Variants in LYPD2 observed in about 807,000 individuals in gnomAD.
LYPD2 encodes the protein ly6/PLAUR domain-containing protein 2.
A neutral mutation model predicts 7.1 loss-of-function variants in LYPD2; 5 were observed. The observed-to-expected ratio is 0.70, with a 90% CI of 0.37 to 1.48. LYPD2 has a LOEUF of 1.48. LYPD2 is among the 40% of genes most tolerant of loss of function. LYPD2 has a pLI of 0.03. For missense variants in LYPD2, 177 were observed against 171.0 expected (o/e 1.04, Z -0.20); for synonymous variants, 78 against 82.0 (o/e 0.95, Z 0.26).
In LYPD2 at chr8:142,750,702, AG is replaced by A. The variant is rs587733934; in HGVS notation, c.179-221del. On this transcript the variant is annotated intron_variant, in intron 2 of 2. Transcript: ENST00000359228. ...GCCTGATGGGGCAGTTCCCGCCCCG[AG>A]GTGACTGTTGAAACCAAAGCCTGTA... Among the ~76,000 whole-genome samples, 13 of 152,356 alleles carry A rather than the reference AG, an allele frequency of 8.5e-5. No homozygotes were observed. In the South Asian group the frequency reaches 2.7e-3, roughly 32 times the overall value.
In LYPD2 at chr8:142,750,214, G is replaced by A; in HGVS notation, c.*69C>T. 1 of 1,376,078 alleles carries A rather than the reference G, an allele frequency of 7.3e-7. No homozygotes were observed. Among genetic ancestry groups the A allele is most frequent in the Non-Finnish European group, 1.0e-6 (1 of 1,000,130 alleles). 85.2% of individuals were successfully genotyped at this position (1,376,078 alleles called of 1,614,324 possible). ...CCCAGAAAGGAGACTCAGGAGTCCTGGTGCAGGGGGCACTTCTTCAAGGCA... is the reference window on the plus strand; with the variant it reads ...CCCAGAAAGGAGACTCAGGAGTCCTAGTGCAGGGGGCACTTCTTCAAGGCA... On this transcript the variant is annotated 3_prime_UTR_variant, in exon 3 of 3. Transcript: ENST00000359228.
rs1018180483 is a variant in LYPD2, at chr8:142,750,372, C to T, written c.289G>A (p.Glu97Lys). The change falls in exon 3 of 3, where the codon GAG becomes AAG. Residue 97 changes from glutamate (E) to lysine (K), a missense_variant. By Grantham distance (56) the Glu-to-Lys change is moderately conservative. Transcript: ENST00000359228. The part of the protein sequence containing the change: ...QTLPVSCCNT[E>K]LCNVDGAPAL... The stretch of plus-strand genomic sequence containing the variant: ...GGCGCCCCGTCTACATTGCACAGCT[C>T]AGTATTGCAGCAGGACACGGGCAGG... 2 of 1,568,388 alleles carry T rather than the reference C, an allele frequency of 1.3e-6. No individual in the cohort carries two copies. The highest frequency in any genetic ancestry group is 1.7e-6 in the Non-Finnish European group (2 of 1,156,666).
Position 142,752,256 on chromosome 8 carries a change from G to A in LYPD2, c.58+138C>T, listed in dbSNP as rs587701230. 575 of 887,542 alleles carry A rather than the reference G, an allele frequency of 6.5e-4. 1 individual carries two copies. In the African/African-American group the frequency reaches 8.4e-3, roughly 13 times the overall value. 55.0% of individuals were successfully genotyped at this position (887,542 alleles called of 1,614,324 possible). ...CACCCTCCCCTCCTTATGGCGGGGG[G>A]GCCACACCCCCGGCCCCACAGCTCT... On this transcript the variant is annotated intron_variant, in intron 1 of 2. Coordinates refer to ENST00000359228, the MANE Select transcript of LYPD2 (RefSeq NM_205545.3).
chr8:142,750,703 G>GGTGACT (rs1184432164), intron 2 of LYPD2, among the ~76,000 whole-genome samples: 4 of 152,212 alleles, frequency 2.6e-5, no homozygotes, highest in African/African-American at 9.6e-5. Flanking sequence ...CCCGCCCCGA[G>GGTGACT]GTGACTGTTG....
rs772125171 is a variant in LYPD2, at chr8:142,750,354, C to T, written c.307G>A (p.Gly103Arg). 1.5e-5 allele frequency: 23 copies of T among 1,560,448 alleles called. No homozygotes were observed. Among genetic ancestry groups the T allele is most frequent in the East Asian group, 9.6e-5 (4 of 41,616 alleles). The part of the protein sequence containing the change: ...CCNTELCNVD[G>R]APALNSLHCG... ...TGGAGGCTGTTCAGAGCGGGCGCCC[C>T]GTCTACATTGCACAGCTCAGTATTG... Residue 103 changes from glycine to arginine, a missense_variant, in exon 3 of 3, where the codon GGG becomes AGG. Physicochemically the swap from Gly to Arg is moderately radical, Grantham distance 125. Transcript: ENST00000359228.
intron 2 of LYPD2, 84 bp downstream of exon 2, chr8:142,750,967 C>A: frequency 6.3e-7 from 1 of 1,591,168 alleles, no homozygotes. Context: ...GCTCACTGCC[C>A]TATCTCCTGG....
chr8:142,752,252 G>C (rs1814726163), intron 1 of LYPD2, 142 bp downstream of exon 1: 2 of 840,456 alleles, frequency 2.4e-6, no homozygotes, highest in African/African-American at 1.7e-5. Context: ...CCTTATGGCG[G>C]GGGGGCCACA....
chr8:142,750,334 G>T lies in LYPD2; in HGVS notation c.327C>A (p.Ser109Arg), dbSNP rs908815112. The T allele has an allele frequency of 6.4e-7, 1 of 1,556,202 alleles. No individual in the cohort carries two copies. Among genetic ancestry groups the T allele is most frequent in the Non-Finnish European group, 8.7e-7 (1 of 1,149,834 alleles). The part of the protein sequence containing the change: ...CNVDGAPALN[S>R]LHCGALTLLP... Reference sequence around the variant, plus strand: ...GGAGCGTGAGGGCCCCGCAGTGGAGGCTGTTCAGAGCGGGCGCCCCGTCTA... The same window carrying T: ...GGAGCGTGAGGGCCCCGCAGTGGAGTCTGTTCAGAGCGGGCGCCCCGTCTA... Residue 109 changes from serine to arginine, a missense_variant, in exon 3 of 3, where the codon AGC (serine) becomes AGA (arginine). Transcript: ENST00000359228.
chr8:142,751,910 G>A (rs903938210), intron 1 of LYPD2, among the ~76,000 whole-genome samples: 11 of 152,130 alleles, frequency 7.2e-5, no homozygotes, highest in African/African-American at 2.7e-4. Flanking sequence ...AGGGGCCTCT[G>A]GGCCAAGCTG....
chr8:142,751,015 G>C, intron 2 of LYPD2, 36 bp downstream of exon 2: 2 of 1,613,394 alleles, frequency 1.2e-6, no homozygotes, highest in Non-Finnish European at 1.7e-6. Flanking sequence ...GCTCTGACCG[G>C]GAACCCGGCC....
intron 1 of LYPD2, 148 bp downstream of exon 1, chr8:142,752,246 A>G: frequency 2.5e-6 from 2 of 800,582 alleles, no homozygotes; most frequent in Non-Finnish European, 3.9e-6. Context: ...TCCCCTCCTT[A>G]TGGCGGGGGG....
At chr8:142,750,551 C>G in intron 2 of LYPD2, 69 bp from the exon 3 acceptor site, 1 of 1,455,908 alleles carries the variant, frequency 6.9e-7, no homozygotes, top group South Asian at 1.2e-5. Context: ...CCTGCCAGTA[C>G]CACCTCATGC....
chr8:142,750,554 C>A, intron 2 of LYPD2, 72 bp from the exon 3 acceptor site: 1 of 1,441,380 alleles, frequency 6.9e-7, no homozygotes, highest in Non-Finnish European at 9.5e-7. Flanking sequence ...GCCAGTACCA[C>A]CTCATGCAGG....
At position 142,750,216 on chromosome 8, in the gene LYPD2, T is replaced by C. The variant is rs985363583; in HGVS notation, c.*67A>G. The C allele has an allele frequency of 1.4e-6, 2 of 1,391,962 alleles. No homozygotes were observed. The highest frequency in any genetic ancestry group is 2.9e-5 in the African/African-American group (2 of 69,520). 86.2% of individuals were successfully genotyped at this position (1,391,962 alleles called of 1,614,324 possible). A position where few individuals can be genotyped will look rare whatever the true frequency, so the allele number is the denominator to read the frequency against. On this transcript the variant is annotated 3_prime_UTR_variant, in exon 3 of 3. Coordinates refer to ENST00000359228, the MANE Select transcript of LYPD2 (RefSeq NM_205545.3). ...CAGAAAGGAGACTCAGGAGTCCTGGTGCAGGGGGCACTTCTTCAAGGCATT... is the reference window on the plus strand; with the variant it reads ...CAGAAAGGAGACTCAGGAGTCCTGGCGCAGGGGGCACTTCTTCAAGGCATT...
intron 2 of LYPD2, 67 bp from the exon 3 acceptor site, chr8:142,750,549 T>C (rs1192696664): frequency 3.4e-6 from 5 of 1,465,172 alleles, no homozygotes; most frequent in Non-Finnish European, 4.7e-6. Context: ...TCCCTGCCAG[T>C]ACCACCTCAT....
rs587767876 is a variant in LYPD2 at position 142,751,054 on chromosome 8, T to G, written c.175A>C (p.Ile59Leu). ...MCKTTLYSRE[I>L]VYPFQGDSTV... ...CCCGCCTTCTGTGCCCACTGACCTATCTCCCGGGAGTAGAGTGTGGTCTTG... is the reference window on the plus strand; with the variant it reads ...CCCGCCTTCTGTGCCCACTGACCTAGCTCCCGGGAGTAGAGTGTGGTCTTG... Residue 59 changes from isoleucine (I) to leucine (L), a missense_variant, in exon 2 of 3, where the codon ATA becomes CTA. By Grantham distance (5) the Ile-to-Leu change is conservative. Coordinates refer to ENST00000359228, the MANE Select transcript of LYPD2 (RefSeq NM_205545.3). 1.9e-6 allele frequency: 3 copies of G among 1,614,040 alleles called. No individual in the cohort carries two copies. In the African/African-American group the frequency reaches 4.0e-5, roughly 22 times the overall value.
chr8:142,751,147 A>T lies in LYPD2; in HGVS notation c.82T>A (p.Cys28Ser). ...TCCGACACTCCTGTGGGCTCCGGAC[A>T]GACGTAGCAGCGCAGGGCCGGCGCT... ...ELAPALRCYV[C>S]PEPTGVSDCV... The change falls in exon 2 of 3, where the codon TGT becomes AGT. Residue 28 changes from cysteine to serine, a missense_variant. Transcript: ENST00000359228. The T allele has an allele frequency of 6.2e-7, 1 of 1,614,126 alleles. No individual in the cohort carries two copies. Among genetic ancestry groups the T allele is most frequent in the Non-Finnish European group, 8.5e-7 (1 of 1,180,016 alleles).
Position 142,750,261 on chromosome 8 carries a change from G to A in LYPD2, c.*22C>T, listed in dbSNP as rs766990528. 6.5e-7 allele frequency: 1 copy of A among 1,535,922 alleles called. No homozygotes were observed. The highest frequency in any genetic ancestry group is 1.4e-5 in the African/African-American group (1 of 72,658). Reference sequence around the variant, plus strand: ...GGCATTCGGGGCTGGGCCGCATAGGGCCATGGGGGTGGGCGGGGACTCTAC... The same window carrying A: ...GGCATTCGGGGCTGGGCCGCATAGGACCATGGGGGTGGGCGGGGACTCTAC... On this transcript the variant is annotated 3_prime_UTR_variant, in exon 3 of 3. Transcript: ENST00000359228.
rs781371822 is a variant in LYPD2, at chr8:142,750,327, A to C, written c.334T>G (p.Cys112Gly). 6.4e-7 allele frequency: 1 copy of C among 1,555,304 alleles called. No individual in the cohort carries two copies. Among genetic ancestry groups the C allele is most frequent in the Non-Finnish European group, 8.7e-7 (1 of 1,149,414 alleles). Residue 112 changes from cysteine (C) to glycine (G), a missense_variant, in exon 3 of 3, where the codon TGC (cysteine) becomes GGC (glycine). Cys to Gly is a radical substitution (Grantham distance 159). Coordinates refer to ENST00000359228, the MANE Select transcript of LYPD2 (RefSeq NM_205545.3). The stretch of plus-strand genomic sequence containing the variant: ...AGTGGGAGGAGCGTGAGGGCCCCGC[A>C]GTGGAGGCTGTTCAGAGCGGGCGCC... Reference protein sequence around the residue: ...DGAPALNSLHCGALTLLPLLS... With the variant: ...DGAPALNSLHGGALTLLPLLS...
Sources: allele counts gnomAD v4.1 joint callset (sites outside exome capture counted in the v4.1 genomes callset), GRCh38; gene constraint gnomAD v4.1.1; transcripts MANE v1.5; gene names NCBI Gene and HGNC (gene_info 2026-07-23, HGNC 2026-07-21).